Variants in PMFBP1 observed in about 807,000 individuals in gnomAD.
The protein encoded by PMFBP1 is polyamine-modulated factor 1-binding protein 1.
In PMFBP1, 131 loss-of-function variants were observed where a neutral mutation model predicts 137.8. The observed-to-expected ratio is 0.95, with a 90% confidence interval of 0.82 to 1.10. The LOEUF (loss-of-function observed/expected upper bound fraction) is 1.10. Ranked by LOEUF, PMFBP1 falls within the 50% of genes least tolerant of loss-of-function variation. The probability of loss-of-function intolerance (pLI) is 0.00; values close to 1 mark genes in which losing one functional copy is unlikely to be tolerated. For synonymous variants in PMFBP1, 490 were observed against 450.4 expected, an observed-to-expected ratio of 1.09 and a Z score of -1.11; for missense variants, 1,199 against 1,175.4, an observed-to-expected ratio of 1.02 and a Z score of -0.29.
intron 7 of PMFBP1, among the ~76,000 whole-genome samples, chr16:72,137,681 T>C (rs1285685418): frequency 6.6e-6 from 1 of 151,962 alleles, no homozygotes; most frequent in Non-Finnish European, 1.5e-5. Context: ...CACCTGGGGC[T>C]TGGGGTCCTT....
At chr16:72,195,822 G>A in the PMFBP1 span, among the ~76,000 whole-genome samples, 67 of 152,382 alleles carry the variant, frequency 4.4e-4, no homozygotes, top group African/African-American at 1.5e-3. Flanking sequence ...GGCCAGGGCC[G>A]TCCTGGGCTG....
At chr16:72,119,825 AT>A (rs2042349168) in intron 20 of PMFBP1, 25 bp downstream of exon 20, 2 of 1,605,448 alleles carry the variant, frequency 1.2e-6, no homozygotes, top group African/African-American at 2.7e-5. Flanking sequence ...AATCACACTT[AT>A]TTTTTTGACA....
chr16:72,189,980 G>T, the PMFBP1 span, among the ~76,000 whole-genome samples: 3 of 152,056 alleles, frequency 2.0e-5, no homozygotes, highest in Non-Finnish European at 2.9e-5. Context: ...CACGGGTCTT[G>T]GCAGGCAGTC....
At chr16:72,183,688 C>T in the PMFBP1 span, among the ~76,000 whole-genome samples, 1 of 152,088 alleles carries the variant, frequency 6.6e-6, no homozygotes, top group East Asian at 1.9e-4. Context: ...GGGGTGGGGG[C>T]AACACAACTA....
At chr16:72,180,399 A>T (rs887885395), upstream of PMFBP1, among the ~76,000 whole-genome samples, 2 of 151,762 alleles carry the variant, frequency 1.3e-5, no homozygotes, top group African/African-American at 4.8e-5. Context: ...AGTTTCATAC[A>T]CTCTAAATCC....
the PMFBP1 span, among the ~76,000 whole-genome samples, chr16:72,248,520 C>T: frequency 6.6e-6 from 1 of 152,176 alleles, no homozygotes; most frequent in Non-Finnish European, 1.5e-5. Context: ...TAGTATTAGG[C>T]TACTCATAGG....
chr16:72,154,711 G>T (rs1230041843), intron 3 of PMFBP1, among the ~76,000 whole-genome samples: 1 of 151,968 alleles, frequency 6.6e-6, no homozygotes, highest in East Asian at 1.9e-4. Context: ...TTATTATTTA[G>T]GTCAGAAGAA....
At chr16:72,228,064 G>T in the PMFBP1 span, among the ~76,000 whole-genome samples, 1 of 152,066 alleles carries the variant, frequency 6.6e-6, no homozygotes, top group East Asian at 1.9e-4. Flanking sequence ...CCCCATCAAA[G>T]GTTTTCAAAC....
the PMFBP1 span, among the ~76,000 whole-genome samples, chr16:72,229,723 G>A: frequency 6.6e-6 from 1 of 152,074 alleles, no homozygotes; most frequent in Non-Finnish European, 1.5e-5. Context: ...ATTTATTGCA[G>A]AAAATTATAA....
chr16:72,137,902 G>A (rs979706992), intron 7 of PMFBP1, among the ~76,000 whole-genome samples: 19 of 152,164 alleles, frequency 1.2e-4, no homozygotes, highest in African/African-American at 4.3e-4. Context: ...AGCCACTGCA[G>A]GACCCAGGAG....
Position 72,139,309 on chromosome 16 carries a change from C to A in PMFBP1, c.898G>T (p.Glu300Ter). The part of the protein sequence containing the change: ...THRYPPSSSE[E>*]CEDIKKILKH... The stretch of plus-strand genomic sequence containing the variant: ...CCCACCTTTTTGATGTCTTCACACT[C>A]TTCTGAGGAGCTAGGAGGGTATCTG... Residue 300 changes from glutamate (E) to a stop codon, truncating the protein, a stop_gained, in exon 7 of 21, where the codon GAG (glutamate) becomes TAG (stop). Coordinates refer to ENST00000237353, the MANE Select transcript of PMFBP1 (RefSeq NM_031293.3). LOFTEE classifies it high-confidence loss of function. 1 of 1,613,926 alleles carries A rather than the reference C, an allele frequency of 6.2e-7. No homozygotes were observed. Among genetic ancestry groups the A allele is most frequent in the South Asian group, 1.1e-5 (1 of 91,068 alleles).
chr16:72,242,780 T>C, the PMFBP1 span, among the ~76,000 whole-genome samples: 1 of 152,260 alleles, frequency 6.6e-6, no homozygotes, highest in Admixed American at 6.5e-5. Context: ...AGAAATACTT[T>C]ATAAGCATCT....
In PMFBP1 at chr16:72,150,526, T is replaced by C. The variant is rs569713805; in HGVS notation, c.636+82A>G. The C allele has an allele frequency of 1.2e-4, 166 of 1,368,060 alleles. No homozygotes were observed. The African/African-American group carries it at 2.2e-3, about 18-fold the overall frequency. The allele number at this position is 1,368,060 out of a possible 1,614,324, so 84.7% of individuals were successfully genotyped here. On this transcript the variant is annotated intron_variant, in intron 5 of 20. Transcript: ENST00000237353. ...TCTGGGTAAAGGTTTGGGTTTCCAG[T>C]GGAGGAGGCTGGGACTGTCTGAGGG...
chr16:72,153,712 A>G (rs2042937299), intron 4 of PMFBP1, among the ~76,000 whole-genome samples: 1 of 149,258 alleles, frequency 6.7e-6, no homozygotes, highest in Admixed American at 6.8e-5. Context: ...AGTCTGAAAA[A>G]ATTACCTGGT....
chr16:72,136,971 G>A, intron 7 of PMFBP1, 152 bp from the exon 8 acceptor site: 1 of 1,031,152 alleles, frequency 9.7e-7, no homozygotes, highest in Non-Finnish European at 1.4e-6. Flanking sequence ...CGGAGTGACT[G>A]CTAATGGGTA....
At position 72,136,581 on chromosome 16, in the gene PMFBP1, A is replaced by G. The variant is rs1555543801; in HGVS notation, c.1070T>C (p.Leu357Pro). The change falls in exon 9 of 21, where the codon CTG becomes CCG. Residue 357 changes from leucine to proline, a missense_variant. Transcript: ENST00000237353. ...AGATGTCTCCTCCCGCAGTCCGTGC[A>G]GGTCCAGCTCCAGCTTCATCATGTC... Reference protein sequence around the residue: ...MKDMMKLELDLHGLREETSAH... With the variant: ...MKDMMKLELDPHGLREETSAH... 6.2e-7 allele frequency: 1 copy of G among 1,614,076 alleles called. No homozygotes were observed. Among genetic ancestry groups the G allele is most frequent in the East Asian group, 2.2e-5 (1 of 44,874 alleles).
At chr16:72,173,786 G>C (rs1386563561), upstream of PMFBP1, 1 of 152,262 alleles carries the variant, frequency 6.6e-6, no homozygotes, top group Admixed American at 6.5e-5. Flanking sequence ...GTCTGACTGA[G>C]GAGTATGGCT....
intron 17 of PMFBP1, 31 bp downstream of exon 17, chr16:72,124,723 TGGAGGCACTGAGA>T (rs2042427245): frequency 6.3e-7 from 1 of 1,596,326 alleles, no homozygotes; most frequent in Non-Finnish European, 8.5e-7. Context: ...AGGATGTGCC[TGGAGGCACTGAGA>T]GGAGGCACGC....
the PMFBP1 span, among the ~76,000 whole-genome samples, chr16:72,188,485 G>A: frequency 6.6e-6 from 1 of 152,140 alleles, no homozygotes; most frequent in African/African-American, 2.4e-5. Flanking sequence ...TGATTAATAG[G>A]AATATTCTTG....
Sources: allele counts gnomAD v4.1 joint callset (sites outside exome capture counted in the v4.1 genomes callset), GRCh38; gene constraint gnomAD v4.1.1; transcripts MANE v1.5; gene names NCBI Gene and HGNC (gene_info 2026-07-23, HGNC 2026-07-21).